MBD5: variants seen among roughly 807,000 people sequenced by gnomAD.
MBD5 encodes the protein methyl-CpG-binding domain protein 5.
A neutral mutation model predicts 117.3 loss-of-function variants in MBD5; 13 were observed. The observed-to-expected ratio is 0.11, with a 90% CI of 0.07 to 0.18. The LOEUF is 0.18. MBD5 is among the 10% of genes least tolerant of loss of function. The pLI is 1.00. For missense variants in MBD5, 1,879 were observed against 2,093.8 expected (o/e 0.90, Z 2.00); for synonymous variants, 727 against 766.4 (o/e 0.95, Z 0.85).
At chr2:148,376,794 A>AT (rs1396840403) in intron 4 of MBD5, among the ~76,000 whole-genome samples, 1 of 134,348 alleles carries the variant, frequency 7.4e-6, no homozygotes, top group African/African-American at 2.8e-5. Flanking sequence ...TTATATATAT[A>AT]ATTTTATATA....
intron 2 of MBD5, among the ~76,000 whole-genome samples, chr2:148,183,264 G>T (rs1452289170): frequency 6.6e-6 from 1 of 151,874 alleles, no homozygotes; most frequent in African/African-American, 2.4e-5. Context: ...AACTCCAGGA[G>T]ATTTTCCCCT....
chr2:148,328,090 G>A (rs926488649), intron 3 of MBD5, among the ~76,000 whole-genome samples: 57 of 152,208 alleles, frequency 3.7e-4, no homozygotes, highest in Admixed American at 2.8e-3. Flanking sequence ...GTCTGTTGGA[G>A]TACCCGGCCG....
intron 4 of MBD5, among the ~76,000 whole-genome samples, chr2:148,349,234 C>T (rs1703193509): frequency 6.6e-6 from 1 of 151,844 alleles, no homozygotes; most frequent in African/African-American, 2.4e-5. Context: ...TTTACCAATG[C>T]TATTTAATCT....
At chr2:148,383,575 A>G (rs1704230761) in intron 4 of MBD5, among the ~76,000 whole-genome samples, 1 of 152,134 alleles carries the variant, frequency 6.6e-6, no homozygotes. Flanking sequence ...CAATAAATAG[A>G]AAAAAAGGGA....
rs557585666 is a variant in MBD5, at chr2:148,123,666, C to T, written c.-924-55034C>T. On this transcript the variant is annotated intron_variant, in intron 1 of 13. Coordinates refer to ENST00000642680, the MANE Select transcript of MBD5 (RefSeq NM_001378120.1). ...TGGAAATTTACCTCTAATATTCATA[C>T]ATGAGAGGTTAGGATTAGTGAACAG... 1.8e-3 allele frequency among the ~76,000 whole-genome samples: 267 copies of T among 152,254 alleles called. 1 individual carries two copies. Among genetic ancestry groups the T allele is most frequent in the African/African-American group, 6.2e-3 (259 of 41,542 alleles).
intron 1 of MBD5, among the ~76,000 whole-genome samples, chr2:148,105,096 T>C (rs1421414248): frequency 4.6e-5 from 7 of 152,174 alleles, no homozygotes; most frequent in Non-Finnish European, 1.5e-5. Context: ...TGTATTTTTC[T>C]AGGAATTTGT....
chr2:148,109,737 C>T (rs1249166332), intron 1 of MBD5, among the ~76,000 whole-genome samples: 2 of 152,118 alleles, frequency 1.3e-5, no homozygotes, highest in Admixed American at 1.3e-4. Flanking sequence ...TTACAAGTAA[C>T]ACCTCTTGGG....
In MBD5 at chr2:148,441,301, T is replaced by G. The variant is rs1384816306; in HGVS notation, c.-556-16902T>G. 2.0e-5 allele frequency among the ~76,000 whole-genome samples: 3 copies of G among 152,110 alleles called. No individual in the cohort carries two copies. The South Asian group carries it at 6.2e-4, about 32-fold the overall frequency. ...CCCCAGTGTGTGATGTTCCCCTTAC[T>G]GTGTCCATGCGTTCTCATTGTTCAA... On this transcript the variant is annotated intron_variant, in intron 4 of 13. Coordinates refer to ENST00000642680, the MANE Select transcript of MBD5 (RefSeq NM_001378120.1).
chr2:148,150,751 TTGGTGC>T (rs1388398475), intron 1 of MBD5, among the ~76,000 whole-genome samples: 1 of 151,988 alleles, frequency 6.6e-6, no homozygotes, highest in East Asian at 1.9e-4. Context: ...TTGTCTGTTG[TTGGTGC>T]ATAAGAATGC....
At chr2:148,127,739 T>C (rs1696938224) in intron 1 of MBD5, among the ~76,000 whole-genome samples, 1 of 152,208 alleles carries the variant, frequency 6.6e-6, no homozygotes, top group African/African-American at 2.4e-5. Flanking sequence ...TTCTTTTGGG[T>C]ATATACCCAG....
intron 2 of MBD5, among the ~76,000 whole-genome samples, chr2:148,229,622 C>T (rs1478955221): frequency 2.0e-5 from 3 of 152,132 alleles, no homozygotes; most frequent in Non-Finnish European, 2.9e-5. Context: ...TGTACTTACT[C>T]GTAGCTGTCC....
At chr2:148,052,142 C>T (rs913703748) in intron 1 of MBD5, among the ~76,000 whole-genome samples, 3 of 145,408 alleles carry the variant, frequency 2.1e-5, no homozygotes, top group Admixed American at 1.4e-4. Flanking sequence ...CTCTTTTGTT[C>T]TAGCCTCAGT....
chr2:148,483,444 T>C lies in MBD5; in HGVS notation c.2853T>C (p.Ser951=). Residue 951 remains serine (S), a synonymous_variant, in exon 9 of 14, where the codon TCT becomes TCC. Coordinates refer to ENST00000642680, the MANE Select transcript of MBD5 (RefSeq NM_001378120.1). ...AGCCTTCAGCAGGAGAAGGCAAGTCTGAGATCAACCTCCACCCTTTAGGTT... is the reference window on the plus strand; with the variant it reads ...AGCCTTCAGCAGGAGAAGGCAAGTCCGAGATCAACCTCCACCCTTTAGGTT... The part of the protein sequence containing the change: ...ILQPSAGEGK[S]EINLHPLGFL... 6.2e-7 allele frequency: 1 copy of C among 1,614,134 alleles called. No individual in the cohort carries two copies. Among genetic ancestry groups the C allele is most frequent in the Admixed American group, 1.7e-5 (1 of 60,024 alleles).
intron 13 of MBD5, among the ~76,000 whole-genome samples, 191 bp downstream of exon 13, chr2:148,510,326 T>C (rs562004361): frequency 3.3e-5 from 5 of 152,372 alleles, no homozygotes; most frequent in Admixed American, 6.5e-5. Flanking sequence ...ACATTAACTA[T>C]GTCTTTCTTC....
At chr2:148,451,183 A>G (rs1283860941) in intron 4 of MBD5, among the ~76,000 whole-genome samples, 1 of 152,132 alleles carries the variant, frequency 6.6e-6, no homozygotes, top group African/African-American at 2.4e-5. Flanking sequence ...TAAATGTGCT[A>G]GGGGTAGTTA....
chr2:148,271,911 AT>A (rs1374289307), intron 3 of MBD5, among the ~76,000 whole-genome samples: 1 of 152,170 alleles, frequency 6.6e-6, no homozygotes, highest in Non-Finnish European at 1.5e-5. Context: ...TCCAGCTGAA[AT>A]TCTGTACCCA....
At chr2:148,417,787 G>T (rs921368871) in intron 4 of MBD5, among the ~76,000 whole-genome samples, 3 of 151,448 alleles carry the variant, frequency 2.0e-5, no homozygotes, top group African/African-American at 7.3e-5. Flanking sequence ...CAAGCCATTT[G>T]CCCACTTTTT....
At chr2:148,140,181 C>G (rs1440710025) in intron 1 of MBD5, among the ~76,000 whole-genome samples, 1 of 152,112 alleles carries the variant, frequency 6.6e-6, no homozygotes, top group Admixed American at 6.5e-5. Context: ...TTTACCACAT[C>G]ATATTGGAAC....
intron 4 of MBD5, among the ~76,000 whole-genome samples, chr2:148,356,863 G>C (rs1223667707): frequency 6.6e-6 from 1 of 151,026 alleles, no homozygotes; most frequent in African/African-American, 2.4e-5. Context: ...CTTCTGGATG[G>C]TGCTATTTCA....
Sources: gnomAD v4.1 joint callset for allele counts (sites outside exome capture counted in the v4.1 genomes callset) on GRCh38, gnomAD v4.1.1 for gene constraint, MANE v1.5 for transcripts, NCBI Gene and HGNC (gene_info 2026-07-23, HGNC 2026-07-21) for gene names.